The following CNGB1 variants were observed in gnomAD, a reference collection of about 807,000 sequenced individuals.
The protein encoded by CNGB1 is cyclic nucleotide-gated channel beta-1.
CNGB1 carries 126 observed loss-of-function variants against 151.7 expected under a neutral mutation model. That is an observed-to-expected ratio of 0.83 (90% CI 0.72 to 0.96). The LOEUF (loss-of-function observed/expected upper bound fraction) is 0.96. CNGB1 is among the 40% of genes least tolerant of loss of function. The pLI, the probability that CNGB1 is intolerant of heterozygous loss-of-function variation, is 0.00. For synonymous variants in CNGB1, 623 were observed against 635.1 expected, an observed-to-expected ratio of 0.98 and a Z score of 0.29; for missense variants, 1,698 against 1,627.0, an observed-to-expected ratio of 1.04 and a Z score of -0.75.
rs373319029 is a variant in CNGB1, at chr16:57,884,233, C to T, written c.3687G>A (p.Pro1229=). The change falls in exon 33 of 33, where the codon CCG becomes CCA. Residue 1229 remains proline, a synonymous_variant. Transcript: ENST00000251102. ...GGATCTGCTCTCCCGGCTCCGGGCC[C>T]GGGCTCATGCAGATCCTCACCGAGT... ...EEHSVRICMS[P]GPEPGEQILS... is the part of the protein sequence containing the mutation. 13 of 1,613,820 alleles carry T rather than the reference C, an allele frequency of 8.1e-6. No individual in the cohort carries two copies. In the African/African-American group the frequency reaches 1.2e-4, roughly 15 times the overall value.
At chr16:57,915,178 A>T in intron 23 of CNGB1, 71 bp downstream of exon 23, 1 of 1,275,706 alleles carries the variant, frequency 7.8e-7, no homozygotes, top group Non-Finnish European at 1.1e-6. Context: ...GGGGGCAGAC[A>T]CGAAGATGCC....
intron 16 of CNGB1, 104 bp from the exon 17 acceptor site, chr16:57,931,982 G>T: frequency 7.9e-7 from 1 of 1,264,364 alleles, no homozygotes; most frequent in Non-Finnish European, 1.1e-6. Flanking sequence ...TGTTTGGAGG[G>T]GACTCTGATA....
rs759596676 is a variant in CNGB1 at position 57,964,923 on chromosome 16, G to A, written c.160-379C>T. On this transcript the variant is annotated intron_variant, in intron 2 of 32. Coordinates refer to ENST00000251102, the MANE Select transcript of CNGB1 (RefSeq NM_001297.5). The stretch of plus-strand genomic sequence containing the variant: ...GAAGAGGGAGGTGAGAGGAGCCCAC[G>A]CCCCTCATCCTCTGCCAGTGCTCTC... Among the ~76,000 whole-genome samples, 48 of 152,270 alleles carry A rather than the reference G, an allele frequency of 3.2e-4. 1 individual carries two copies. Among genetic ancestry groups the A allele is most frequent in the South Asian group, 1.2e-3 (6 of 4,830 alleles).
chr16:57,910,126 GA>G (rs1960669441), intron 25 of CNGB1, among the ~76,000 whole-genome samples: 1 of 152,316 alleles, frequency 6.6e-6, no homozygotes, highest in East Asian at 1.9e-4. Flanking sequence ...CGAGTTACCT[GA>G]AAACCTAATT....
chr16:57,894,497 A>AT lies in CNGB1; in HGVS notation c.3242+2899_3242+2900insA, dbSNP rs575791225. 2.6e-3 allele frequency among the ~76,000 whole-genome samples: 399 copies of AT among 152,260 alleles called. 1 individual carries two copies. The highest frequency in any genetic ancestry group is 9.4e-3 in the African/African-American group (389 of 41,556). The stretch of plus-strand genomic sequence containing the variant: ...ATGCCTGTAATCCCAGCTACTCAGG[A>AT]GGCTGAGGCAGGAGAATCACCTGAA... On this transcript the variant is annotated intron_variant, in intron 31 of 32. Coordinates refer to ENST00000251102, the MANE Select transcript of CNGB1 (RefSeq NM_001297.5).
At chr16:57,910,721 A>C (rs1960688328) in intron 25 of CNGB1, among the ~76,000 whole-genome samples, 1 of 121,770 alleles carries the variant, frequency 8.2e-6, no homozygotes, top group Admixed American at 1.1e-4. Context: ...TTTTAAATCT[A>C]CCTATGACCT....
chr16:57,908,321 T>C (rs1306062175), intron 25 of CNGB1, among the ~76,000 whole-genome samples: 2 of 152,220 alleles, frequency 1.3e-5, no homozygotes, highest in East Asian at 3.9e-4. Flanking sequence ...TTAACCACTC[T>C]ACAAAGCCGC....
Position 57,916,178 on chromosome 16 carries a change from G to C in CNGB1, c.2168C>G (p.Thr723Arg), listed in dbSNP as rs768853177. ...LQFVRGGDIITDKKDMRNNYL... is the reference protein window; with the variant it reads ...LQFVRGGDIIRDKKDMRNNYL... ...GTTATTTCGCATGTCCTTTTTGTCC[G>C]TCTGAAAGAAAGGGAATGATGATGG... The change falls in exon 22 of 33, where the codon ACG becomes AGG. Residue 723 changes from threonine to arginine, a missense_variant and splice_region_variant. Thr to Arg is a moderately conservative substitution (Grantham distance 71, BLOSUM62 -1). Coordinates refer to ENST00000251102, the MANE Select transcript of CNGB1 (RefSeq NM_001297.5). 3 of 1,613,484 alleles carry C rather than the reference G, an allele frequency of 1.9e-6. No homozygotes were observed. In the East Asian group the frequency reaches 6.7e-5, roughly 36 times the overall value.
At chr16:57,907,149 G>A (rs919089663) in intron 25 of CNGB1, among the ~76,000 whole-genome samples, 23 of 152,234 alleles carry the variant, frequency 1.5e-4, no homozygotes, top group Non-Finnish European at 2.6e-4. Context: ...TGGGCAGCTC[G>A]AGCTCCTCCC....
rs1361645329 is a variant in CNGB1, at chr16:57,916,199, GA to G, written c.2167-21del. 1.9e-5 allele frequency: 30 copies of G among 1,610,586 alleles called. No homozygotes were observed. Among genetic ancestry groups the G allele is most frequent in the Non-Finnish European group, 2.5e-5 (29 of 1,176,882 alleles). On this transcript the variant is annotated intron_variant, in intron 21 of 32. Coordinates refer to ENST00000251102, the MANE Select transcript of CNGB1 (RefSeq NM_001297.5). ...GTCCGTCTGAAAGAAAGGGAATGAT[GA>G]TGGTGAAATGACCTTACAGCTTAAT...
chr16:57,940,086 C>A (rs959254234), intron 15 of CNGB1, 148 bp downstream of exon 15: 5 of 807,254 alleles, frequency 6.2e-6, no homozygotes, highest in South Asian at 4.4e-5. Flanking sequence ...CAAGAGGGGG[C>A]CTCGCAGGAC....
At chr16:57,916,264 AC>A in intron 21 of CNGB1, 85 bp from the exon 22 acceptor site, 1 of 1,346,396 alleles carries the variant, frequency 7.4e-7, no homozygotes, top group Non-Finnish European at 1.1e-6. Flanking sequence ...TTCCCCAAGA[AC>A]CCCACCCTGA....
intron 24 of CNGB1, 158 bp from the exon 25 acceptor site, chr16:57,912,033 T>C (rs534918878): frequency 2.2e-6 from 2 of 908,984 alleles, no homozygotes; most frequent in South Asian, 3.0e-5. Context: ...TGGGGCGTTG[T>C]CATGACCTGG....
At chr16:57,923,133 C>T (rs1961089315) in intron 18 of CNGB1, 140 bp downstream of exon 18, 4 of 596,158 alleles carry the variant, frequency 6.7e-6, no homozygotes, top group Non-Finnish European at 1.2e-5. Context: ...GGCAGGCGAC[C>T]GATCCCGACT....
In CNGB1 at chr16:57,903,807, G is replaced by A. The variant is rs1960455685; in HGVS notation, c.2794+15C>T. 1 of 1,613,732 alleles carries A rather than the reference G, an allele frequency of 6.2e-7. No individual in the cohort carries two copies. Among genetic ancestry groups the A allele is most frequent in the African/African-American group, 1.3e-5 (1 of 74,920 alleles). ...TGACTGGGAGCTGGTGGCTGCCAGG[G>A]CGTGACCATCTTACCCAGCATGCCT... On this transcript the variant is annotated intron_variant, in intron 27 of 32. Transcript: ENST00000251102.
chr16:57,944,445 CA>C, intron 14 of CNGB1, among the ~76,000 whole-genome samples: 1 of 152,064 alleles, frequency 6.6e-6, no homozygotes, highest in East Asian at 1.9e-4. Context: ...ATAGGAAGCA[CA>C]AATGTGAGAG....
intron 14 of CNGB1, chr16:57,946,738 T>G (rs1961819705): frequency 1.3e-5 from 2 of 152,244 alleles, no homozygotes; most frequent in South Asian, 4.1e-4. Flanking sequence ...GCCAAGAGCA[T>G]CCTTCCCCAG....
chr16:57,955,990 T>C (rs1164910721), intron 12 of CNGB1, among the ~76,000 whole-genome samples: 1 of 152,046 alleles, frequency 6.6e-6, no homozygotes, highest in African/African-American at 2.4e-5. Context: ...CCAAGCCAGC[T>C]CCTCTCCCTG....
At chr16:57,923,441 T>G in intron 17 of CNGB1, 61 bp from the exon 18 acceptor site, 1 of 1,372,182 alleles carries the variant, frequency 7.3e-7, no homozygotes, top group South Asian at 1.2e-5. Context: ...GGGAGAAGTG[T>G]CATGACTTTG....
Sources: allele counts gnomAD v4.1 joint callset (sites outside exome capture counted in the v4.1 genomes callset), GRCh38; gene constraint gnomAD v4.1.1; transcripts MANE v1.5; gene names NCBI Gene and HGNC (gene_info 2026-07-23, HGNC 2026-07-21).